Variants in SSBP3 observed in about 807,000 individuals in gnomAD.
The protein encoded by SSBP3 is single stranded DNA binding protein 3, also known as single-stranded DNA-binding protein 3.
Under a neutral mutation model 69.6 loss-of-function variants are expected in SSBP3, and 5 were observed. The observed-to-expected ratio is 0.07, with a 90% CI of 0.04 to 0.15. The LOEUF (loss-of-function observed/expected upper bound fraction) is 0.15. SSBP3 is among the 10% of genes least tolerant of loss of function. The pLI is 1.00. For missense variants in SSBP3, 312 were observed against 534.0 expected, an observed-to-expected ratio of 0.58 and a Z score of 4.10; for synonymous variants, 196 against 193.4, an observed-to-expected ratio of 1.01 and a Z score of -0.11.
At chr1:54,236,207 C>T (rs997807474) in intron 14 of SSBP3, among the ~76,000 whole-genome samples, 2 of 151,412 alleles carry the variant, frequency 1.3e-5, no homozygotes, top group East Asian at 3.9e-4. Context: ...CCTCCACCTC[C>T]CAGGCTCAAG....
At chr1:54,371,875 G>C (rs752266946) in intron 4 of SSBP3, among the ~76,000 whole-genome samples, 1 of 152,054 alleles carries the variant, frequency 6.6e-6, no homozygotes, top group Non-Finnish European at 1.5e-5. Flanking sequence ...CCTGGTACAG[G>C]AACCGAGGGA....
intron 7 of SSBP3, among the ~76,000 whole-genome samples, chr1:54,253,453 A>C (rs760215573): frequency 4.0e-5 from 6 of 151,894 alleles, no homozygotes; most frequent in Non-Finnish European, 7.4e-5. Flanking sequence ...CAGCCTCCCA[A>C]AATGCTGGGA....
chr1:54,347,501 T>C (rs1443934695), intron 4 of SSBP3, among the ~76,000 whole-genome samples: 3 of 152,054 alleles, frequency 2.0e-5, no homozygotes, highest in Admixed American at 6.5e-5. Context: ...ACACCAGGCC[T>C]GTATTCTTTT....
upstream of SSBP3, among the ~76,000 whole-genome samples, chr1:54,406,767 T>TG (rs1649808750): frequency 6.6e-6 from 1 of 151,508 alleles, no homozygotes; most frequent in Non-Finnish European, 1.5e-5. Context: ...CAGCGTCCGA[T>TG]GGGAGGGGGC....
chr1:54,257,953 TAA>T, intron 6 of SSBP3, 114 bp downstream of exon 6: 1 of 962,986 alleles, frequency 1.0e-6, no homozygotes, highest in Non-Finnish European at 1.5e-6. Context: ...AATTTGTCAA[TAA>T]AGACTCGCAG....
chr1:54,278,320 T>C (rs1256424996), intron 5 of SSBP3, among the ~76,000 whole-genome samples: 1 of 147,396 alleles, frequency 6.8e-6, no homozygotes, highest in African/African-American at 2.5e-5. Flanking sequence ...GATGCCAATA[T>C]TAGGGCTTTT....
intron 5 of SSBP3, among the ~76,000 whole-genome samples, chr1:54,275,928 C>A (rs563411187): frequency 1.3e-5 from 2 of 152,280 alleles, no homozygotes; most frequent in South Asian, 4.1e-4. Context: ...TTGGGTCATG[C>A]AAGTTTCTCT....
exon 13 of SSBP3, chr1:54,240,925 G>C: frequency 6.2e-7 from 1 of 1,612,186 alleles, no homozygotes; most frequent in Non-Finnish European, 8.5e-7. Flanking sequence ...GGGCATAATG[G>C]GTGTTCCTGG....
At chr1:54,385,312 G>A (rs1213737530) in intron 4 of SSBP3, among the ~76,000 whole-genome samples, 1 of 152,194 alleles carries the variant, frequency 6.6e-6, no homozygotes, top group East Asian at 1.9e-4. Flanking sequence ...TCCCTTAGCT[G>A]TCTTTGTCCT....
At chr1:54,293,928 G>A (rs1162430169) in intron 4 of SSBP3, among the ~76,000 whole-genome samples, 1 of 152,052 alleles carries the variant, frequency 6.6e-6, no homozygotes, top group Admixed American at 6.5e-5. Flanking sequence ...CCTGAGGTCA[G>A]GAGTTTGAGA....
In SSBP3 at chr1:54,352,567, G is replaced by A. The variant is rs1646797096; in HGVS notation, c.276+49294C>T. 2.0e-5 allele frequency among the ~76,000 whole-genome samples: 3 copies of A among 152,246 alleles called. No homozygotes were observed. The South Asian group carries it at 6.2e-4, about 32-fold the overall frequency. On this transcript the variant is annotated intron_variant, in intron 4 of 17. Transcript: ENST00000610401. ...CCAGAAGAGAAAGTCATCCATATGG[G>A]GTCTTACTATAGTAATGTTAATGGA... is the stretch of plus-strand genomic sequence containing the variant.
At chr1:54,323,226 GC>G in intron 4 of SSBP3, among the ~76,000 whole-genome samples, 1 of 152,256 alleles carries the variant, frequency 6.6e-6, no homozygotes, top group Non-Finnish European at 1.5e-5. Context: ...AAAAATTTAA[GC>G]CCCCAAATTC....
intron 4 of SSBP3, among the ~76,000 whole-genome samples, chr1:54,328,075 G>C (rs924349322): frequency 6.6e-6 from 1 of 152,138 alleles, no homozygotes; most frequent in Non-Finnish European, 1.5e-5. Flanking sequence ...GGGAGTGGGA[G>C]GGAGAATGAG....
chr1:54,369,928 T>G (rs534140190), intron 4 of SSBP3, among the ~76,000 whole-genome samples: 1 of 152,314 alleles, frequency 6.6e-6, no homozygotes, highest in East Asian at 1.9e-4. Context: ...TGAAGCTTTG[T>G]GTGATATGAA....
At chr1:54,341,966 G>C (rs979907734) in intron 4 of SSBP3, among the ~76,000 whole-genome samples, 7 of 152,252 alleles carry the variant, frequency 4.6e-5, no homozygotes, top group Admixed American at 1.3e-4. Context: ...GGAGGGCAAA[G>C]AGGGAGGAGG....
At chr1:54,259,394 C>G (rs1644978691) in intron 5 of SSBP3, among the ~76,000 whole-genome samples, 1 of 152,172 alleles carries the variant, frequency 6.6e-6, no homozygotes, top group South Asian at 2.1e-4. Context: ...GGTCACACCA[C>G]CAAAGGACTC....
chr1:54,408,664 A>G (rs556171438), upstream of SSBP3, among the ~76,000 whole-genome samples: 15 of 152,346 alleles, frequency 9.8e-5, no homozygotes, highest in Admixed American at 8.5e-4. Context: ...CAAATGGCAA[A>G]GGGAGGTTAG....
rs141885759 is a variant in SSBP3 at position 54,266,066 on chromosome 1, C to T, written c.367-7917G>A. Among the ~76,000 whole-genome samples, 339 of 152,354 alleles carry T rather than the reference C, an allele frequency of 2.2e-3. 3 individuals are homozygous for T. Among genetic ancestry groups the T allele is most frequent in the Non-Finnish European group, 3.4e-3 (234 of 68,036 alleles). ...CATGGCAAACGAAAAGTATAGGCAG[C>T]GTCCAAAACCTAACGCATAGCTCCT... On this transcript the variant is annotated intron_variant, in intron 5 of 17. Transcript: ENST00000610401.
At chr1:54,318,268 G>A (rs1646149848) in intron 4 of SSBP3, among the ~76,000 whole-genome samples, 1 of 152,152 alleles carries the variant, frequency 6.6e-6, no homozygotes, top group South Asian at 2.1e-4. Flanking sequence ...CAGGCATGCA[G>A]GCTTTATATA....
Sources: allele counts gnomAD v4.1 joint callset (sites outside exome capture counted in the v4.1 genomes callset), GRCh38; gene constraint gnomAD v4.1.1; transcripts MANE v1.5; gene names NCBI Gene and HGNC (gene_info 2026-07-23, HGNC 2026-07-21).